ASIC4: variants seen among roughly 807,000 people sequenced by gnomAD.
ASIC4 encodes the protein acid sensing ion channel subunit family member 4.
A neutral mutation model predicts 53.4 loss-of-function variants in ASIC4; 28 were observed. The ratio of observed to expected loss-of-function variants is 0.52; its 90% CI spans 0.39 to 0.72. The LOEUF (loss-of-function observed/expected upper bound fraction) is 0.72, where lower values mean the gene tolerates loss of function less well. Ranked by LOEUF, ASIC4 falls within the 30% of genes least tolerant of loss-of-function variation. The probability of loss-of-function intolerance (pLI) is 0.00; values close to 1 mark genes in which losing one functional copy is unlikely to be tolerated. For missense variants in ASIC4, 649 were observed against 729.7 expected (o/e 0.89, Z 1.27); for synonymous variants, 289 against 301.4 (o/e 0.96, Z 0.43).
intron 1 of ASIC4, among the ~76,000 whole-genome samples, chr2:219,524,423 T>C (rs1015508364): frequency 1.3e-5 from 2 of 152,222 alleles, no homozygotes; most frequent in Non-Finnish European, 2.9e-5. Context: ...TCTCTGTACC[T>C]CCGTTACCCT....
At chr2:219,528,203 C>T (rs1273321012) in intron 1 of ASIC4, among the ~76,000 whole-genome samples, 1 of 152,230 alleles carries the variant, frequency 6.6e-6, no homozygotes, top group East Asian at 1.9e-4. Flanking sequence ...GCATTTCCCA[C>T]ACCACCAGGA....
chr2:219,537,085 G>A lies in ASIC4; in HGVS notation c.1249G>A (p.Asp417Asn), dbSNP rs1226666395. The change falls in exon 7 of 10, where the codon GAT becomes AAT. Residue 417 changes from aspartate (D) to asparagine (N), a missense_variant. Transcript: ENST00000358078. This position sits in a 1 kb window ranked among gnomAD's most constrained non-coding sequence, Gnocchi z 4.9. Reference sequence around the variant, plus strand: ...CCACAGGGAGAACTTCCTGGTCCTAGATGTCTTCTTTGAGGCCCTGACCTC... The same window carrying A: ...CCACAGGGAGAACTTCCTGGTCCTAAATGTCTTCTTTGAGGCCCTGACCTC... Reference protein sequence around the residue: ...TYIRENFLVLDVFFEALTSEA... With the variant: ...TYIRENFLVLNVFFEALTSEA... 1 of 1,614,116 alleles carries A rather than the reference G, an allele frequency of 6.2e-7. No individual in the cohort carries two copies. The highest frequency in any genetic ancestry group is 1.7e-5 in the Admixed American group (1 of 60,022).
the ASIC4 span, among the ~76,000 whole-genome samples, chr2:219,508,957 A>T: frequency 6.6e-6 from 1 of 151,844 alleles, no homozygotes; most frequent in Admixed American, 6.5e-5. Flanking sequence ...ACCAAGCTGG[A>T]TAGGGCGACA....
chr2:219,529,470 G>C (rs1167185389), intron 1 of ASIC4, among the ~76,000 whole-genome samples: 1 of 152,160 alleles, frequency 6.6e-6, no homozygotes, highest in Non-Finnish European at 1.5e-5. Context: ...ATGCAGGAGG[G>C]AACGAGGAAT....
Position 219,537,452 on chromosome 2 carries a change from C to A in ASIC4, c.1401+131C>A. On this transcript the variant is annotated intron_variant, in intron 8 of 9. Transcript: ENST00000358078. The surrounding 1 kb of genome is among the most constrained non-coding windows in gnomAD (Gnocchi z 4.9). ...AGGGTTCTCTGCCAGGGTCCCCTGA[C>A]TGGCTGGCAGGCCTGAGGGCTCAGA... 3 of 1,209,450 alleles carry A rather than the reference C, an allele frequency of 2.5e-6. No homozygotes were observed. The highest frequency in any genetic ancestry group is 2.5e-5 in the East Asian group (1 of 39,234). 74.9% of individuals were successfully genotyped at this position (1,209,450 alleles called of 1,614,324 possible).
chr2:219,507,476 G>A, the ASIC4 span, among the ~76,000 whole-genome samples: 5 of 152,324 alleles, frequency 3.3e-5, no homozygotes, highest in Admixed American at 2.0e-4. Flanking sequence ...GAGGCCTCAT[G>A]TCTCTGTCTT....
rs1281067920 is a variant in ASIC4, at chr2:219,518,288, A to C, written c.582+2982A>C. 6.6e-6 allele frequency among the ~76,000 whole-genome samples: 1 copy of C among 152,196 alleles called. No individual in the cohort carries two copies. The highest frequency in any genetic ancestry group is 1.5e-5 in the Non-Finnish European group (1 of 68,030). ...GTTAATCAGCCATGCAAGTGGTGTC[A>C]TAAGGTGCCAGGATCAATTGCCAGA... is the stretch of plus-strand genomic sequence containing the variant. On this transcript the variant is annotated intron_variant, in intron 1 of 9. Coordinates refer to ENST00000358078, the MANE Select transcript of ASIC4 (RefSeq NM_018674.6). The surrounding 1 kb of genome is among the most constrained non-coding windows in gnomAD (Gnocchi z 4.8).
At position 219,537,965 on chromosome 2, in the gene ASIC4, T is replaced by C; in HGVS notation, c.1539T>C (p.Gly513=). 6.2e-7 allele frequency: 1 copy of C among 1,609,054 alleles called. No individual in the cohort carries two copies. The change falls in exon 10 of 10, where the codon GGT becomes GGC. Residue 513 remains glycine (G), a synonymous_variant. Transcript: ENST00000358078. The surrounding 1 kb of genome is among the most constrained non-coding windows in gnomAD (Gnocchi z 4.9). ...GCCCGAGCCGGGGCCGAGTGGAGGG[T>C]GGGGGGGTCAGCAGTCTGCTCCCCA... is the stretch of plus-strand genomic sequence containing the variant. The part of the protein sequence containing the change: ...SPCPSRGRVE[G]GGVSSLLPNH...
Position 219,517,867 on chromosome 2 carries a change from T to G in ASIC4, c.582+2561T>G, listed in dbSNP as rs542412571. 1.2e-4 allele frequency among the ~76,000 whole-genome samples: 18 copies of G among 152,040 alleles called. No individual in the cohort carries two copies. Among genetic ancestry groups the G allele is most frequent in the Non-Finnish European group, 2.4e-4 (16 of 67,984 alleles). ...GACAGGCTTCACCAAGGGGCTGTTATGTGTTTTCTGTTGCTTTCCCTGTTT... is the reference window on the plus strand; with the variant it reads ...GACAGGCTTCACCAAGGGGCTGTTAGGTGTTTTCTGTTGCTTTCCCTGTTT... On this transcript the variant is annotated intron_variant, in intron 1 of 9. Coordinates refer to ENST00000358078, the MANE Select transcript of ASIC4 (RefSeq NM_018674.6). This position sits in a 1 kb window ranked among gnomAD's most constrained non-coding sequence, Gnocchi z 4.2.
At chr2:219,531,265 C>T (rs1695036335) in intron 1 of ASIC4, among the ~76,000 whole-genome samples, 1 of 151,714 alleles carries the variant, frequency 6.6e-6, no homozygotes, top group South Asian at 2.1e-4. Flanking sequence ...GCTTGTCAGG[C>T]TGAAGCAGGA....
chr2:219,507,269 C>T, the ASIC4 span, among the ~76,000 whole-genome samples: 1 of 152,212 alleles, frequency 6.6e-6, no homozygotes, highest in Admixed American at 6.5e-5. Context: ...CCCCCATGTG[C>T]AAGGATTCCG....
intron 1 of ASIC4, among the ~76,000 whole-genome samples, chr2:219,526,505 A>G (rs1342992848): frequency 6.6e-6 from 1 of 152,170 alleles, no homozygotes. Flanking sequence ...ATGGGAGAGA[A>G]AGAGGCCAAG....
In ASIC4 at chr2:219,514,922, C is replaced by T; in HGVS notation, c.198C>T (p.Arg66=). Residue 66 remains arginine (R), a synonymous_variant, in exon 1 of 10, where the codon CGC becomes CGT. Coordinates refer to ENST00000358078, the MANE Select transcript of ASIC4 (RefSeq NM_018674.6). ...RACGPGPHGL[R]RTLWALALLT... ...GTGGCCCAGGCCCCCACGGACTGCG[C>T]AGAACCCTGTGGGCACTGGCCCTAC... 1 of 1,613,044 alleles carries T rather than the reference C, an allele frequency of 6.2e-7. No homozygotes were observed. The highest frequency in any genetic ancestry group is 8.5e-7 in the Non-Finnish European group (1 of 1,179,870).
At chr2:219,530,902 T>C (rs952666900) in intron 1 of ASIC4, among the ~76,000 whole-genome samples, 2 of 152,092 alleles carry the variant, frequency 1.3e-5, no homozygotes, top group African/African-American at 4.8e-5. Context: ...CAGTTAGTGG[T>C]TTCATTGGAT....
chr2:219,522,970 G>A (rs564287744), intron 1 of ASIC4, among the ~76,000 whole-genome samples: 21 of 152,270 alleles, frequency 1.4e-4, no homozygotes, highest in African/African-American at 4.3e-4. Context: ...GCGAGCCGGT[G>A]GGTGCGGCCC....
chr2:219,522,108 C>T (rs980458536), intron 1 of ASIC4, among the ~76,000 whole-genome samples: 5 of 152,164 alleles, frequency 3.3e-5, no homozygotes, highest in African/African-American at 1.2e-4. Flanking sequence ...CAAATGCTCA[C>T]CATGCCCTTG....
chr2:219,527,220 G>A (rs1694974593), intron 1 of ASIC4, among the ~76,000 whole-genome samples: 1 of 152,170 alleles, frequency 6.6e-6, no homozygotes, highest in Non-Finnish European at 1.5e-5. Flanking sequence ...CTGGCCCAGG[G>A]ACTGTCTCCT....
At chr2:219,534,131 G>C (rs1235508594) in intron 5 of ASIC4, 3 of 152,068 alleles carry the variant, frequency 2.0e-5, no homozygotes, top group African/African-American at 7.2e-5. Context: ...CAATGAGATA[G>C]GAGGGGAGGA....
chr2:219,531,970 G>A, intron 2 of ASIC4, 31 bp from the exon 3 acceptor site: 1 of 1,613,828 alleles, frequency 6.2e-7, no homozygotes, highest in African/African-American at 1.3e-5. Flanking sequence ...CCTGGGATGG[G>A]TTTCCAAAGG....
Sources: gnomAD v4.1 joint callset for allele counts (sites outside exome capture counted in the v4.1 genomes callset) on GRCh38, gnomAD v4.1.1 for gene constraint, Gnocchi (gnomAD v3.1) non-coding constraint, MANE v1.5 for transcripts, NCBI Gene and HGNC (gene_info 2026-07-23, HGNC 2026-07-21) for gene names.